Variants in USP33 observed in about 807,000 individuals in gnomAD.
USP33 encodes the protein ubiquitin specific peptidase 33.
In USP33, 46 loss-of-function variants were observed where a neutral mutation model predicts 124.2. That is an observed-to-expected ratio of 0.37 (90% CI 0.29 to 0.47). The LOEUF is 0.47. Among genes scored for constraint, USP33 ranks in the 20% least tolerant of loss-of-function variants. The pLI is 0.99. For missense variants in USP33, 851 were observed against 1,070.6 expected (o/e 0.79, Z 2.86); for synonymous variants, 350 against 352.3 (o/e 0.99, Z 0.07).
chr1:77,704,322 A>C (rs1297757260), intron 21 of USP33, among the ~76,000 whole-genome samples: 2 of 152,196 alleles, frequency 1.3e-5, no homozygotes, highest in Non-Finnish European at 2.9e-5. Context: ...TGTGCAACTT[A>C]TCCCTAGAGA....
At chr1:77,723,897 C>T (rs562773210) in intron 11 of USP33, among the ~76,000 whole-genome samples, 3 of 152,146 alleles carry the variant, frequency 2.0e-5, no homozygotes, top group East Asian at 1.9e-4. Context: ...ATCTCCTGAC[C>T]TCATGATCCA....
intron 21 of USP33, among the ~76,000 whole-genome samples, chr1:77,709,744 G>T (rs1333976687): frequency 1.3e-5 from 2 of 150,932 alleles, no homozygotes; most frequent in East Asian, 1.9e-4. Context: ...TCTATATATA[G>T]ATATAGATAT....
Position 77,713,269 on chromosome 1 carries a change from C to A in USP33, c.2228G>T (p.Arg743Ile). The change falls in exon 20 of 24, where the codon AGA (arginine) becomes ATA (isoleucine). Residue 743 changes from arginine to isoleucine, a missense_variant. By Grantham distance (97) the Arg-to-Ile change is moderately conservative. Transcript: ENST00000370794. Reference protein sequence around the residue: ...FLCIHGGVPPRKAGYIEDLVL... With the variant: ...FLCIHGGVPPIKAGYIEDLVL... ...CAGGTCTTCAATATAACCAGCTTTT[C>A]TTGGAGGAACACCTAAAAAAATATA... The A allele has an allele frequency of 6.4e-7, 1 of 1,571,392 alleles. No individual in the cohort carries two copies. The highest frequency in any genetic ancestry group is 8.6e-7 in the Non-Finnish European group (1 of 1,167,346).
At chr1:77,721,652 G>A (rs1676572324) in intron 14 of USP33, 179 bp downstream of exon 14, 1 of 567,918 alleles carries the variant, frequency 1.8e-6, no homozygotes, top group Admixed American at 3.7e-5. Flanking sequence ...ATTCCTTCAG[G>A]ATGTGATTTT....
In USP33 at chr1:77,714,708, A is replaced by T; in HGVS notation, c.2121T>A (p.Leu707=). The part of the protein sequence containing the change: ...NLLNIMEPSL[L]QFYISRQWLN... The stretch of plus-strand genomic sequence containing the variant: ...GCCACTGTCGAGAAATATAAAACTG[A>T]AGGAGGCTTGGTTCCATTATGTTCA... Residue 707 remains leucine (L), a synonymous_variant, in exon 19 of 24, where the codon CTT becomes CTA. Transcript: ENST00000370794. The T allele has an allele frequency of 6.2e-7, 1 of 1,613,100 alleles. No homozygotes were observed. The highest frequency in any genetic ancestry group is 8.5e-7 in the Non-Finnish European group (1 of 1,179,964).
chr1:77,758,006 T>C (rs1345826756), intron 1 of USP33, among the ~76,000 whole-genome samples: 1 of 152,100 alleles, frequency 6.6e-6, no homozygotes, highest in Non-Finnish European at 1.5e-5. Context: ...AAACTGCAGT[T>C]ATATAAAAAG....
At chr1:77,745,911 T>C (rs1406665400) in intron 1 of USP33, among the ~76,000 whole-genome samples, 2 of 152,106 alleles carry the variant, frequency 1.3e-5, no homozygotes, top group Admixed American at 6.6e-5. Flanking sequence ...TAGCACTAAA[T>C]GCCCACAGGA....
At chr1:77,711,898 G>A in intron 20 of USP33, 43 bp from the exon 21 acceptor site, 1 of 1,553,784 alleles carries the variant, frequency 6.4e-7, no homozygotes, top group Non-Finnish European at 8.6e-7. Context: ...TAGGAAGTTT[G>A]TTTCTAACAT....
rs554382033 is a variant in USP33, at chr1:77,735,648, C to G, written c.454+408G>C. Among the ~76,000 whole-genome samples, 19 of 152,178 alleles carry G rather than the reference C, an allele frequency of 1.2e-4. No individual in the cohort carries two copies. In the South Asian group the frequency reaches 3.7e-3, roughly 30 times the overall value. On this transcript the variant is annotated intron_variant, in intron 6 of 23. Transcript: ENST00000370794. Reference sequence around the variant, plus strand: ...AAGAATATGAAAAATCCAAATAGACCGGTTCTCAATTTAGGGGAAGAAGGG... The same window carrying G: ...AAGAATATGAAAAATCCAAATAGACGGGTTCTCAATTTAGGGGAAGAAGGG...
intron 21 of USP33, among the ~76,000 whole-genome samples, chr1:77,705,129 G>GT (rs1156781043): frequency 1.4e-5 from 2 of 147,082 alleles, no homozygotes; most frequent in South Asian, 2.2e-4. Flanking sequence ...AAAAAAAAAG[G>GT]GGGGGGGCTG....
intron 15 of USP33, among the ~76,000 whole-genome samples, chr1:77,719,698 C>A (rs561837977): frequency 7.9e-5 from 12 of 151,562 alleles, no homozygotes; most frequent in Admixed American, 1.3e-4. Context: ...ACTAAAAATA[C>A]AAAAATTAGC....
Position 77,722,099 on chromosome 1 carries a change from A to G in USP33, c.1487T>C (p.Ile496Thr), listed in dbSNP as rs1200913755. The G allele has an allele frequency of 3.1e-6, 5 of 1,614,144 alleles. No individual in the cohort carries two copies. The highest frequency in any genetic ancestry group is 1.6e-4 in the Middle Eastern group (1 of 6,062). Residue 496 changes from isoleucine (I) to threonine (T), a missense_variant, in exon 13 of 24, where the codon ATA becomes ACA. Around this residue, in one of 4 missense-constraint regions of USP33, gnomAD observed 281 missense variants for 425.0 expected, o/e 0.66. Coordinates refer to ENST00000370794, the MANE Select transcript of USP33 (RefSeq NM_201624.3). ...KLHSSSHPTS[I>T]VKAGSCGEAY... is the part of the protein sequence containing the mutation. ...TTCGCCACATGATCCTGCTTTGACT[A>G]TAGAAGTTGGATGACTTGATGAATG...
intron 22 of USP33, 100 bp from the exon 23 acceptor site, chr1:77,698,031 G>T: frequency 3.6e-6 from 3 of 824,362 alleles, no homozygotes; most frequent in South Asian, 1.7e-5. Flanking sequence ...TACATTATCA[G>T]ACTGGTTATT....
rs913129206 is a variant in USP33 at position 77,723,538 on chromosome 1, A to T, written c.1277-95T>A. ...GTCTTGTCAATCTTACTTGTATATG[A>T]TCTCTAGAATCCTTAAACTGTAAAA... On this transcript the variant is annotated intron_variant, in intron 11 of 23. Coordinates refer to ENST00000370794, the MANE Select transcript of USP33 (RefSeq NM_201624.3). 7 of 753,028 alleles carry T rather than the reference A, an allele frequency of 9.3e-6. No individual in the cohort carries two copies. In the Admixed American group the frequency reaches 1.8e-4, roughly 19 times the overall value. 46.6% of individuals were successfully genotyped at this position (753,028 alleles called of 1,614,324 possible).
chr1:77,708,073 A>G (rs2101225348), intron 21 of USP33, among the ~76,000 whole-genome samples: 1 of 152,372 alleles, frequency 6.6e-6, no homozygotes, highest in Non-Finnish European at 1.5e-5. Flanking sequence ...GTATTACATC[A>G]GGCAGAAGCA....
intron 10 of USP33, among the ~76,000 whole-genome samples, chr1:77,727,178 G>A (rs1216967682): frequency 5.3e-5 from 8 of 152,102 alleles, no homozygotes; most frequent in African/African-American, 1.9e-4. Context: ...TTCCTCTAAC[G>A]GACCAGAGAT....
Position 77,730,617 on chromosome 1 carries a change from C to CCTG in USP33, c.636_638dup (p.Ser212dup). On this transcript the variant is annotated inframe_insertion and splice_region_variant. Transcript: ENST00000370794. ...GAAGAAGAGTATATTAAGTTACATACCTGCTTTTATGCCACAGCTCTGTCA... is the reference window on the plus strand; with the variant it reads ...GAAGAAGAGTATATTAAGTTACATACCTGCTGCTTTTATGCCACAGCTCTGTCA... 1.9e-6 allele frequency: 3 copies of CCTG among 1,544,694 alleles called. No homozygotes were observed. The highest frequency in any genetic ancestry group is 2.6e-6 in the Non-Finnish European group (3 of 1,144,410).
chr1:77,711,154 T>TA (rs1378670698), intron 21 of USP33, among the ~76,000 whole-genome samples: 2 of 151,906 alleles, frequency 1.3e-5, no homozygotes, highest in African/African-American at 2.4e-5. Flanking sequence ...AGGAAACCTG[T>TA]AATTTTCCAT....
chr1:77,741,817 TA>T (rs545523753), intron 1 of USP33, 69 bp from the exon 2 acceptor site: 1 of 1,332,408 alleles, frequency 7.5e-7, no homozygotes, highest in Non-Finnish European at 1.0e-6. Flanking sequence ...TTCCAAAAAA[TA>T]AAAAAATTAA....
Sources: allele counts gnomAD v4.1 joint callset (sites outside exome capture counted in the v4.1 genomes callset), GRCh38; gene constraint gnomAD v4.1.1; regional missense constraint gnomAD v4.1.1; transcripts MANE v1.5; gene names NCBI Gene and HGNC (gene_info 2026-07-23, HGNC 2026-07-21).